The following GSE1 variants were observed in gnomAD, a reference collection of about 807,000 sequenced individuals.
GSE1 encodes the protein Gse1 coiled-coil protein, also known as genetic suppressor element 1.
A neutral mutation model predicts 112.6 loss-of-function variants in GSE1; 32 were observed. That is an observed-to-expected ratio of 0.28 (90% confidence interval 0.21 to 0.38). The LOEUF is 0.38. Among genes scored for constraint, GSE1 ranks in the 10% least tolerant of loss-of-function variants. GSE1 has a pLI of 1.00. For missense variants in GSE1, 2,348 were observed against 1,699.2 expected (o/e 1.38, Z -6.71); for synonymous variants, 1,115 against 735.6 (o/e 1.52, Z -8.35).
At chr16:85,638,996 G>A (rs2050227626) in intron 2 of GSE1, among the ~76,000 whole-genome samples, 1 of 152,256 alleles carries the variant, frequency 6.6e-6, no homozygotes, top group East Asian at 1.9e-4. Context: ...GGAGTGCCCG[G>A]GCCCCACGCA....
chr16:85,613,891 G>T (rs1210711549), intron 1 of GSE1, among the ~76,000 whole-genome samples: 1 of 148,344 alleles, frequency 6.7e-6, no homozygotes, highest in African/African-American at 2.5e-5. Flanking sequence ...CTGGGGCCGC[G>T]CCGGTTAGGG....
At chr16:85,261,066 G>T (rs1362994941) in intron 1 of GSE1, among the ~76,000 whole-genome samples, 3 of 152,176 alleles carry the variant, frequency 2.0e-5, no homozygotes, top group African/African-American at 7.2e-5. Context: ...GGGTGCTCTG[G>T]TCACCAGGCC....
intron 2 of GSE1, among the ~76,000 whole-genome samples, chr16:85,383,047 A>G (rs563714065): frequency 6.7e-6 from 1 of 149,222 alleles, no homozygotes; most frequent in East Asian, 2.0e-4. Flanking sequence ...CACACCGTGT[A>G]CATGCATGTG....
At chr16:85,555,238 G>A (rs1165957980), upstream of GSE1, 3 of 985,236 alleles carry the variant, frequency 3.0e-6, no homozygotes, top group Non-Finnish European at 3.6e-6. Flanking sequence ...AAAATTGATC[G>A]AGGGGCTCTC....
chr16:85,627,976 C>A (rs1010270722), intron 1 of GSE1, among the ~76,000 whole-genome samples: 25 of 152,216 alleles, frequency 1.6e-4, no homozygotes, highest in African/African-American at 6.0e-4. Flanking sequence ...GGGCTGGGGG[C>A]TTCGTGCCGA....
chr16:85,372,703 G>A (rs185971900), intron 2 of GSE1, among the ~76,000 whole-genome samples: 9 of 152,224 alleles, frequency 5.9e-5, no homozygotes, highest in Non-Finnish European at 1.2e-4. Context: ...CCAGATCCCA[G>A]TTCCTCCATG....
At chr16:85,539,219 T>C (rs948107795) in intron 2 of GSE1, among the ~76,000 whole-genome samples, 2 of 152,244 alleles carry the variant, frequency 1.3e-5, no homozygotes, top group African/African-American at 2.4e-5. Flanking sequence ...GCAAAAAGCC[T>C]GGATCTCTCC....
chr16:85,317,325 G>A (rs1329535466), intron 1 of GSE1, among the ~76,000 whole-genome samples: 1 of 152,132 alleles, frequency 6.6e-6, no homozygotes, highest in Non-Finnish European at 1.5e-5. Context: ...GTAGAACGTC[G>A]ATAGCCCTCC....
chr16:85,636,689 G>T (rs1001036911), intron 2 of GSE1, among the ~76,000 whole-genome samples: 18 of 9,646 alleles, frequency 1.9e-3, no homozygotes, highest in African/African-American at 9.6e-3. Flanking sequence ...GGGCCTTCCC[G>T]GGGGGGGGCT....
intron 1 of GSE1, among the ~76,000 whole-genome samples, chr16:85,561,970 G>A (rs562582125): frequency 2.0e-5 from 3 of 152,334 alleles, no homozygotes; most frequent in Non-Finnish European, 2.9e-5. Flanking sequence ...GCTTGGAGCC[G>A]AGGCGGGGAC....
intron 2 of GSE1, among the ~76,000 whole-genome samples, chr16:85,523,076 TTGTGTGTGGCCTGTG>T (rs1038658693): frequency 6.6e-6 from 1 of 151,796 alleles, no homozygotes; most frequent in Non-Finnish European, 1.5e-5. Context: ...TGTGACTGTG[TTGTGTGTGGCCTGTG>T]TGTGTTGTGT....
chr16:85,328,181 C>G (rs1181456843), intron 1 of GSE1, among the ~76,000 whole-genome samples: 1 of 152,246 alleles, frequency 6.6e-6, no homozygotes, highest in Non-Finnish European at 1.5e-5. Flanking sequence ...GAACATACGA[C>G]AGCAGAGTTG....
In GSE1 at chr16:85,264,829, G is replaced by T. The variant is rs764599184; in HGVS notation, c.2284-92634G>T. On this transcript the variant is annotated intron_variant, in intron 1 of 2. Coordinates refer to the GSE1 transcript ENST00000637419. The stretch of plus-strand genomic sequence containing the variant: ...GTGTGGGTAACCAGGACCGGGAGGG[G>T]TGAGGGGGTTGGGCTGAGTCCTCGC... 3.3e-5 allele frequency among the ~76,000 whole-genome samples: 5 copies of T among 152,202 alleles called. No individual in the cohort carries two copies. In the East Asian group the frequency reaches 7.7e-4, roughly 23 times the overall value.
chr16:85,602,020 C>A (rs960978038), intron 1 of GSE1, among the ~76,000 whole-genome samples: 1 of 151,872 alleles, frequency 6.6e-6, no homozygotes, highest in African/African-American at 2.4e-5. Flanking sequence ...AGAAGACGGG[C>A]CTGGAGGAAG....
chr16:85,537,477 CG>C (rs2044370362), intron 2 of GSE1, among the ~76,000 whole-genome samples: 1 of 152,186 alleles, frequency 6.6e-6, no homozygotes, highest in African/African-American at 2.4e-5. Flanking sequence ...CTGGGGTCAA[CG>C]GGGCTGCCCA....
intron 7 of GSE1, 102 bp downstream of exon 7, chr16:85,656,767 C>A: frequency 7.1e-7 from 1 of 1,411,426 alleles, no homozygotes; most frequent in Non-Finnish European, 9.3e-7. Flanking sequence ...TAAATGTTCC[C>A]CAGCTGAGTT....
intron 1 of GSE1, among the ~76,000 whole-genome samples, chr16:85,239,037 C>T (rs983027166): frequency 2.0e-5 from 3 of 152,116 alleles, no homozygotes; most frequent in Non-Finnish European, 2.9e-5. Context: ...AAGCAATTCT[C>T]CTGCCTCAGC....
rs951427650 is a variant in GSE1 at position 85,419,475 on chromosome 16, G to A, written c.2464+61832G>A. ...ACAAAAGTTAGCCAGGCGTGGTGGT[G>A]CACATCTGTGGTCCTAGCTACTCGG... On this transcript the variant is annotated intron_variant, in intron 2 of 2. Coordinates refer to the GSE1 transcript ENST00000637419. The surrounding 1 kb of genome is among the most constrained non-coding windows in gnomAD (Gnocchi z 6.5). 6.6e-6 allele frequency among the ~76,000 whole-genome samples: 1 copy of A among 151,934 alleles called. No homozygotes were observed. The highest frequency in any genetic ancestry group is 2.4e-5 in the African/African-American group (1 of 41,350).
intron 2 of GSE1, among the ~76,000 whole-genome samples, chr16:85,450,827 G>A (rs1019755186): frequency 6.6e-6 from 1 of 152,016 alleles, no homozygotes; most frequent in Admixed American, 6.5e-5. Context: ...TTGGGAGGCC[G>A]AGGTGGGCCG....
Sources: gnomAD v4.1 joint callset for allele counts (sites outside exome capture counted in the v4.1 genomes callset) on GRCh38, gnomAD v4.1.1 for gene constraint, Gnocchi (gnomAD v3.1) non-coding constraint, MANE v1.5 for transcripts, NCBI Gene and HGNC (gene_info 2026-07-23, HGNC 2026-07-21) for gene names.